UBXN7: variants seen among roughly 807,000 people sequenced by gnomAD.
UBXN7 encodes UBX domain protein 7.
Under a neutral mutation model 58.0 loss-of-function variants are expected in UBXN7, and 9 were observed. That is an observed-to-expected ratio of 0.16 (90% confidence interval 0.09 to 0.27). UBXN7 has a LOEUF of 0.27. Among genes scored for constraint, UBXN7 ranks in the 10% least tolerant of loss-of-function variants. The pLI is 1.00. For synonymous variants in UBXN7, 208 were observed against 205.0 expected (o/e 1.01, Z -0.12); for missense variants, 328 against 599.6 (o/e 0.55, Z 4.73).
rs190803219 is a variant in UBXN7 at position 196,420,520 on chromosome 3, G to C, written c.73+11807C>G. Among the ~76,000 whole-genome samples, 242 of 145,088 alleles carry C rather than the reference G, an allele frequency of 1.7e-3. 1 individual carries two copies. Among genetic ancestry groups the C allele is most frequent in the African/African-American group, 5.9e-3 (233 of 39,378 alleles). ...CACTCCAGCCTGGGTGACAGAGCGA[G>C]ACTCCATCTCAAAAAAAAAAAAAAA... On this transcript the variant is annotated intron_variant, in intron 1 of 10. Coordinates refer to ENST00000296328, the MANE Select transcript of UBXN7 (RefSeq NM_015562.2).
chr3:196,374,501 A>G (rs1382775872), intron 5 of UBXN7, among the ~76,000 whole-genome samples: 1 of 152,126 alleles, frequency 6.6e-6, no homozygotes. Flanking sequence ...CACATTGAAG[A>G]TATTGTTAAA....
chr3:196,395,390 TAAAC>T (rs1374162739), intron 3 of UBXN7, among the ~76,000 whole-genome samples: 1 of 152,236 alleles, frequency 6.6e-6, no homozygotes, highest in Non-Finnish European at 1.5e-5. Context: ...GTTTTTATGT[TAAAC>T]AATCACACTA....
At chr3:196,402,561 G>A (rs1730026779) in intron 3 of UBXN7, among the ~76,000 whole-genome samples, 1 of 152,252 alleles carries the variant, frequency 6.6e-6, no homozygotes, top group African/African-American at 2.4e-5. Context: ...TGAATGAGGG[G>A]TTACTGTGCC....
rs138960355 is a variant in UBXN7 at position 196,386,032 on chromosome 3, A to G, written c.468+5781T>C. The stretch of plus-strand genomic sequence containing the variant: ...GGAGACTCCATTTTGTTCTGTACTA[A>G]GAGAAATTCTTCTGCCTTGGGATGC... On this transcript the variant is annotated intron_variant, in intron 5 of 10. Transcript: ENST00000296328. 3.6e-3 allele frequency among the ~76,000 whole-genome samples: 550 copies of G among 152,282 alleles called. 20 individuals carry two copies. In the South Asian group the frequency reaches 0.074, roughly 21 times the overall value.
chr3:196,356,862 A>G lies in UBXN7; in HGVS notation c.1309-16T>C. The stretch of plus-strand genomic sequence containing the variant: ...TCACCAAAGCCTATAAAAACAAGAG[A>G]AAGACAAAGCCATTAGACGGAAAAA... On this transcript the variant is annotated splice_polypyrimidine_tract_variant and intron_variant, in intron 10 of 10. Transcript: ENST00000296328. 1.9e-6 allele frequency: 3 copies of G among 1,596,920 alleles called. No homozygotes were observed. Among genetic ancestry groups the G allele is most frequent in the Non-Finnish European group, 2.6e-6 (3 of 1,176,344 alleles).
Position 196,378,939 on chromosome 3 carries a change from C to T in UBXN7, c.469-6897G>A, listed in dbSNP as rs999413618. 6.8e-5 allele frequency among the ~76,000 whole-genome samples: 8 copies of T among 117,038 alleles called. No homozygotes were observed. The South Asian group carries it at 2.7e-3, about 40-fold the overall frequency. The allele number at this position is 117,038 out of a possible 152,430, so 76.8% of individuals were successfully genotyped here. On this transcript the variant is annotated intron_variant, in intron 5 of 10. Coordinates refer to ENST00000296328, the MANE Select transcript of UBXN7 (RefSeq NM_015562.2). Reference sequence around the variant, plus strand: ...CATGTTGGTTTTGGGGGGTTTTAGCCAGCTTCTTTCCATGTTGGTTTTGGG... The same window carrying T: ...CATGTTGGTTTTGGGGGGTTTTAGCTAGCTTCTTTCCATGTTGGTTTTGGG...
At chr3:196,370,113 T>C (rs2108832145) in intron 6 of UBXN7, among the ~76,000 whole-genome samples, 1 of 125,318 alleles carries the variant, frequency 8.0e-6, no homozygotes, top group East Asian at 2.2e-4. Flanking sequence ...CCAGCGACAA[T>C]GCAAGACTTG....
intron 5 of UBXN7, among the ~76,000 whole-genome samples, chr3:196,382,869 A>C (rs1353178802): frequency 6.6e-6 from 1 of 152,236 alleles, no homozygotes; most frequent in Non-Finnish European, 1.5e-5. Flanking sequence ...TAATCCCAGC[A>C]CTTTGGGAGG....
At chr3:196,381,945 G>A (rs370976623) in intron 5 of UBXN7, among the ~76,000 whole-genome samples, 2 of 152,124 alleles carry the variant, frequency 1.3e-5, no homozygotes, top group African/African-American at 4.8e-5. Context: ...AGAGAAAAAA[G>A]AGTAAAAAGA....
intron 2 of UBXN7, among the ~76,000 whole-genome samples, 192 bp downstream of exon 2, chr3:196,407,054 G>A (rs1730184935): frequency 6.6e-6 from 1 of 152,176 alleles, no homozygotes; most frequent in South Asian, 2.1e-4. Context: ...GTTCCTTTGA[G>A]GATTAAATAA....
intron 6 of UBXN7, among the ~76,000 whole-genome samples, chr3:196,370,690 T>C (rs1290009486): frequency 6.6e-6 from 1 of 151,798 alleles, no homozygotes; most frequent in African/African-American, 2.4e-5. Context: ...AGCTCCTTCA[T>C]AAGTTTTTAT....
At chr3:196,371,405 C>CT (rs143919986) in intron 6 of UBXN7, among the ~76,000 whole-genome samples, 7,729 of 152,144 alleles carry the variant, frequency 0.051, 291 homozygotes, top group Non-Finnish European at 0.082. Flanking sequence ...TTTGATTAAT[C>CT]TTTTTTAATG....
At chr3:196,427,553 G>A (rs1298151845) in intron 1 of UBXN7, among the ~76,000 whole-genome samples, 6 of 152,154 alleles carry the variant, frequency 3.9e-5, no homozygotes, top group Non-Finnish European at 7.4e-5. Flanking sequence ...CCTGACCTCC[G>A]GTGATCCACC....
intron 5 of UBXN7, among the ~76,000 whole-genome samples, chr3:196,382,663 T>A (rs1178116813): frequency 1.3e-5 from 2 of 152,192 alleles, no homozygotes; most frequent in African/African-American, 4.8e-5. Flanking sequence ...GTAAATGGGC[T>A]AAATGCCCCA....
rs1203811792 is a variant in UBXN7 at position 196,417,157 on chromosome 3, CA to C, written c.74-9765del. On this transcript the variant is annotated intron_variant, in intron 1 of 10. Coordinates refer to ENST00000296328, the MANE Select transcript of UBXN7 (RefSeq NM_015562.2). ...TGAAACCCCGTCTCTACTAAAAATA[CA>C]AAAAATTAGCCGGGCGTGGTGGCGG... Among the ~76,000 whole-genome samples the C allele has an allele frequency of 5.9e-5, 9 of 152,138 alleles. No individual in the cohort carries two copies. The East Asian group carries it at 9.7e-4, about 16-fold the overall frequency.
At chr3:196,421,494 G>C (rs1375587267) in intron 1 of UBXN7, among the ~76,000 whole-genome samples, 1 of 152,200 alleles carries the variant, frequency 6.6e-6, no homozygotes, top group Non-Finnish European at 1.5e-5. Flanking sequence ...GATAGTGGCC[G>C]GGTGTGGTGG....
intron 1 of UBXN7, among the ~76,000 whole-genome samples, chr3:196,408,836 C>T (rs1730240263): frequency 1.3e-5 from 2 of 152,094 alleles, no homozygotes; most frequent in Non-Finnish European, 2.9e-5. Context: ...GCTTTTAAGA[C>T]CCTCTGTCTT....
intron 8 of UBXN7, among the ~76,000 whole-genome samples, chr3:196,366,215 C>T (rs958904600): frequency 2.0e-5 from 3 of 152,108 alleles, no homozygotes; most frequent in African/African-American, 7.2e-5. Flanking sequence ...CTCACATCTT[C>T]TAAAACTATT....
rs1034890651 is a variant in UBXN7 at position 196,347,668 on chromosome 3, A to G, written c.*9017T>C. On this transcript the variant is annotated 3_prime_UTR_variant, in exon 11 of 11. Transcript: ENST00000296328. ...ACAACACAAAAAAAACTAATACTGA[A>G]AAGTTTTTGTTTTTATTTCCAAGAT... is the stretch of plus-strand genomic sequence containing the variant. 1 of 152,154 alleles carries G rather than the reference A, an allele frequency of 6.6e-6. No homozygotes were observed. The highest frequency in any genetic ancestry group is 1.5e-5 in the Non-Finnish European group (1 of 68,030). The allele number at this position is 152,154 out of a possible 1,614,324, so 9.4% of individuals were successfully genotyped here.
Sources: gnomAD v4.1 joint callset for allele counts (sites outside exome capture counted in the v4.1 genomes callset) on GRCh38, gnomAD v4.1.1 for gene constraint, MANE v1.5 for transcripts, NCBI Gene and HGNC (gene_info 2026-07-23, HGNC 2026-07-21) for gene names.